Variants in CTSB observed in about 807,000 individuals in gnomAD.
CTSB encodes the protein cathepsin B, also known as APP secretase.
In CTSB, 57 loss-of-function variants were observed where a neutral mutation model predicts 44.3. The observed-to-expected ratio is 1.29, with a 90% CI of 1.04 to 1.60. The LOEUF is 1.60. CTSB is among the 40% of genes most tolerant of loss of function. CTSB has a pLI of 0.00. For synonymous variants in CTSB, 320 were observed against 168.0 expected (o/e 1.91, Z -7.00); for missense variants, 768 against 443.0 (o/e 1.73, Z -6.59).
chr8:11,867,706 C>A (rs1295768807), intron 1 of CTSB: 3 of 152,278 alleles, frequency 2.0e-5, no homozygotes, highest in Non-Finnish European at 4.4e-5. Context: ...CGCGTCCCCG[C>A]TCCGAGGGCC....
chr8:11,849,923 A>C (rs902731773), intron 4 of CTSB: 2 of 152,190 alleles, frequency 1.3e-5, no homozygotes, highest in African/African-American at 4.8e-5. Context: ...CCAGAAAATA[A>C]ATACTGTTGT....
At chr8:11,859,375 G>C (rs568094170) in intron 1 of CTSB, among the ~76,000 whole-genome samples, 8 of 152,244 alleles carry the variant, frequency 5.3e-5, no homozygotes, top group African/African-American at 1.4e-4. Context: ...TGGAATGAAA[G>C]TCAAAGGAGA....
chr8:11,845,907 G>C, intron 8 of CTSB, 118 bp from the exon 9 acceptor site: 3 of 1,283,564 alleles, frequency 2.3e-6, no homozygotes, highest in South Asian at 1.7e-5. Context: ...GAGGGAACCT[G>C]CTGCTCCACC....
chr8:11,855,856 A>G (rs1815418258), intron 1 of CTSB, among the ~76,000 whole-genome samples: 1 of 152,048 alleles, frequency 6.6e-6, no homozygotes, highest in Non-Finnish European at 1.5e-5. Flanking sequence ...CGTCTCCACT[A>G]AAAATACAAA....
chr8:11,852,448 T>G (rs1293290), intron 3 of CTSB, among the ~76,000 whole-genome samples, 162 bp downstream of exon 3: 1 of 151,884 alleles, frequency 6.6e-6, no homozygotes, highest in Non-Finnish European at 1.5e-5. Flanking sequence ...GAAAGTAATA[T>G]AAAAATGAAA....
At chr8:11,857,640 G>A (rs544072347) in intron 1 of CTSB, among the ~76,000 whole-genome samples, 1 of 152,254 alleles carries the variant, frequency 6.6e-6, no homozygotes, top group East Asian at 1.9e-4. Flanking sequence ...ACAACCTGCC[G>A]TGGCCATTCC....
intron 7 of CTSB, 105 bp downstream of exon 7, chr8:11,847,574 G>C: frequency 7.7e-7 from 1 of 1,292,148 alleles, no homozygotes; most frequent in Non-Finnish European, 1.0e-6. Flanking sequence ...TAGAGTTCCG[G>C]GACCCCAAGG....
At chr8:11,860,134 C>G (rs1305780618) in intron 1 of CTSB, among the ~76,000 whole-genome samples, 1 of 152,156 alleles carries the variant, frequency 6.6e-6, no homozygotes, top group Non-Finnish European at 1.5e-5. Flanking sequence ...GTAGACTGCA[C>G]TTTAAATCTG....
intron 1 of CTSB, among the ~76,000 whole-genome samples, chr8:11,863,869 T>C (rs1205631965): frequency 1.3e-5 from 2 of 152,148 alleles, no homozygotes; most frequent in African/African-American, 4.8e-5. Context: ...TTTGCCAGCA[T>C]CTAGCAAGAT....
intron 4 of CTSB, chr8:11,849,697 C>T (rs945652249): frequency 1.3e-5 from 2 of 152,742 alleles, no homozygotes; most frequent in Non-Finnish European, 2.9e-5. Context: ...TCTCCTGCCT[C>T]AGCCTCTATA....
rs780592157 is a variant in CTSB at position 11,847,813 on chromosome 8, G to T, written c.542C>A (p.Pro181Gln). 3 of 1,594,488 alleles carry T rather than the reference G, an allele frequency of 1.9e-6. No individual in the cohort carries two copies. The highest frequency in any genetic ancestry group is 1.9e-5 in the Admixed American group (1 of 52,654). The part of the protein sequence containing the change: ...GLYESHVGCR[P>Q]YSIPPCEHHV... ...GTGCTCACAGGGAGGGATGGAGTAC[G>T]GTCTGCACCCTGATGGGACGCGGGA... The change falls in exon 7 of 10, where the codon CCG (proline) becomes CAG (glutamine). Residue 181 changes from proline to glutamine, a missense_variant. Coordinates refer to ENST00000353047, the MANE Select transcript of CTSB (RefSeq NM_001908.5).
In CTSB at chr8:11,853,406, C is replaced by G; in HGVS notation, c.49G>C (p.Ala17Pro). 1 of 1,612,854 alleles carries G rather than the reference C, an allele frequency of 6.2e-7. No homozygotes were observed. The highest frequency in any genetic ancestry group is 1.1e-5 in the South Asian group (1 of 90,992). ...GGATGGAAAGAGGGCCTGCTCCGGG[C>G]ATTGGCCAACACCAGCAGGCAGCAG... ...SLCCLLVLAN[A>P]RSRPSFHPLS... Residue 17 changes from alanine to proline, a missense_variant, in exon 2 of 10, where the codon GCC becomes CCC. Coordinates refer to ENST00000353047, the MANE Select transcript of CTSB (RefSeq NM_001908.5).
At chr8:11,851,659 A>G (rs554432989) in intron 3 of CTSB, among the ~76,000 whole-genome samples, 1 of 152,052 alleles carries the variant, frequency 6.6e-6, no homozygotes, top group African/African-American at 2.4e-5. Context: ...ATCATTTCTC[A>G]TATCATCCCC....
intron 9 of CTSB, 152 bp downstream of exon 9, chr8:11,845,509 C>T: frequency 1.1e-6 from 1 of 931,066 alleles, no homozygotes. Flanking sequence ...CAAAAGGGAA[C>T]TCCTGACTGC....
chr8:11,851,059 G>A (rs1814507859), intron 3 of CTSB, 79 bp from the exon 4 acceptor site: 1 of 928,988 alleles, frequency 1.1e-6, no homozygotes. Context: ...ACTTTGGCTG[G>A]GCCACACTCC....
rs1016759685 is a variant in CTSB at position 11,843,676 on chromosome 8, A to T, written c.*1449T>A. Reference sequence around the variant, plus strand: ...GGTAGCATCTTGGTTATGTGAGATCACCAAGACACCAAGCCTGTTTTATGA... The same window carrying T: ...GGTAGCATCTTGGTTATGTGAGATCTCCAAGACACCAAGCCTGTTTTATGA... On this transcript the variant is annotated 3_prime_UTR_variant, in exon 10 of 10. Transcript: ENST00000353047. The T allele has an allele frequency of 6.6e-6, 1 of 152,226 alleles. No individual in the cohort carries two copies. The highest frequency in any genetic ancestry group is 2.4e-5 in the African/African-American group (1 of 41,454). 9.4% of individuals were successfully genotyped at this position (152,226 alleles called of 1,614,324 possible). A position where few individuals can be genotyped will look rare whatever the true frequency, so the allele number is the denominator to read the frequency against.
chr8:11,867,702 C>T (rs912750471), intron 1 of CTSB: 1 of 152,286 alleles, frequency 6.6e-6, no homozygotes, highest in African/African-American at 2.4e-5. Context: ...TGGCCGCGTC[C>T]CCGCTCCGAG....
chr8:11,846,912 TG>T, intron 8 of CTSB, 139 bp downstream of exon 8: 1 of 654,856 alleles, frequency 1.5e-6, no homozygotes, highest in Admixed American at 2.3e-5. Context: ...TGAGCCTATA[TG>T]GAAGGCCCCA....
At chr8:11,866,622 G>T (rs1817190426) in intron 1 of CTSB, among the ~76,000 whole-genome samples, 1 of 152,240 alleles carries the variant, frequency 6.6e-6, no homozygotes, top group South Asian at 2.1e-4. Flanking sequence ...CTCACCGGGA[G>T]GCCGAGACAG....
Sources: allele counts gnomAD v4.1 joint callset (sites outside exome capture counted in the v4.1 genomes callset), GRCh38; gene constraint gnomAD v4.1.1; transcripts MANE v1.5; gene names NCBI Gene and HGNC (gene_info 2026-07-23, HGNC 2026-07-21).